The following AOX1 variants were observed in gnomAD, a reference collection of about 807,000 sequenced individuals.
The protein encoded by AOX1 is aldehyde oxidase 1.
In AOX1, 153 loss-of-function variants were observed where a neutral mutation model predicts 169.5. The observed-to-expected ratio is 0.90, with a 90% CI of 0.79 to 1.03. The LOEUF is 1.03. Ranked by LOEUF, AOX1 falls within the 50% of genes least tolerant of loss-of-function variation. The probability of loss-of-function intolerance (pLI) is 0.00; values close to 1 mark genes in which losing one functional copy is unlikely to be tolerated. For synonymous variants in AOX1, 562 were observed against 581.9 expected (o/e 0.97, Z 0.49); for missense variants, 1,656 against 1,663.9 (o/e 1.00, Z 0.08).
chr2:200,627,494 C>T (rs760545685), intron 20 of AOX1, 45 bp downstream of exon 20: 19 of 1,397,590 alleles, frequency 1.4e-5, no homozygotes, highest in Non-Finnish European at 1.9e-5. Flanking sequence ...GTCTTCTAAG[C>T]ATGTCAGTTT....
chr2:200,593,497 A>G (rs2034217307), intron 2 of AOX1, among the ~76,000 whole-genome samples: 1 of 152,166 alleles, frequency 6.6e-6, no homozygotes, highest in South Asian at 2.1e-4. Context: ...GAGTCACAAT[A>G]TTTATACTCT....
chr2:200,638,479 G>T (rs528186994), intron 23 of AOX1, among the ~76,000 whole-genome samples, 177 bp downstream of exon 23: 3 of 152,160 alleles, frequency 2.0e-5, no homozygotes, highest in Non-Finnish European at 4.4e-5. Flanking sequence ...TGGTTCAATG[G>T]AGGCTTTTCT....
intron 5 of AOX1, among the ~76,000 whole-genome samples, chr2:200,600,128 C>A (rs1255698476): frequency 1.3e-5 from 2 of 152,124 alleles, no homozygotes; most frequent in Non-Finnish European, 2.9e-5. Context: ...AGTTACACCC[C>A]CAATAAGTGG....
chr2:200,611,335 A>G, intron 12 of AOX1, 49 bp from the exon 13 acceptor site: 1 of 1,364,094 alleles, frequency 7.3e-7, no homozygotes, highest in South Asian at 1.2e-5. Context: ...TTGGAAGTTT[A>G]TTTAACAGAC....
Position 200,586,298 on chromosome 2 carries a change from G to A in AOX1, c.45+145G>A, listed in dbSNP as rs557545090. ...GGCTTTCTCCCGTAACAGCGGCTTT[G>A]CCTTCGCATTCCCACCCCTGCCTCC... On this transcript the variant is annotated intron_variant, in intron 1 of 34. Transcript: ENST00000374700. 1.0e-5 allele frequency: 9 copies of A among 891,560 alleles called. No homozygotes were observed. In the South Asian group the frequency reaches 1.5e-4, roughly 14 times the overall value. 55.2% of individuals were successfully genotyped at this position (891,560 alleles called of 1,614,324 possible). A position where few individuals can be genotyped will look rare whatever the true frequency, so the allele number is the denominator to read the frequency against.
downstream of AOX1, among the ~76,000 whole-genome samples, chr2:200,676,390 A>G (rs889039283): frequency 7.9e-5 from 12 of 152,112 alleles, no homozygotes; most frequent in Non-Finnish European, 1.8e-4. Context: ...TCTTCAGGCC[A>G]GGAGTTTGAG....
At chr2:200,681,684 AG>A (rs2036153679), downstream of AOX1, among the ~76,000 whole-genome samples, 1 of 152,250 alleles carries the variant, frequency 6.6e-6, no homozygotes, top group Non-Finnish European at 1.5e-5. Context: ...AAACTGAGGC[AG>A]TGAGCCAGAA....
At chr2:200,605,664 G>A in intron 10 of AOX1, 36 bp downstream of exon 10, 1 of 1,076,432 alleles carries the variant, frequency 9.3e-7, no homozygotes. Context: ...TAGTTAAGAT[G>A]CATTAATCAA....
At chr2:200,614,057 A>C in intron 15 of AOX1, 91 bp downstream of exon 15, 1 of 1,204,370 alleles carries the variant, frequency 8.3e-7, no homozygotes, top group Non-Finnish European at 1.2e-6. Context: ...AAATAGCTGT[A>C]GAATAAAAAA....
chr2:200,609,469 T>C, intron 12 of AOX1, 55 bp downstream of exon 12: 1 of 1,436,814 alleles, frequency 7.0e-7, no homozygotes. Context: ...CCCCTTTTTC[T>C]CTCTGGGGAG....
At position 200,616,074 on chromosome 2, in the gene AOX1, T is replaced by A. The variant is rs199978288; in HGVS notation, c.1704+11T>A. Reference sequence around the variant, plus strand: ...ACATTAAAGTACCAGGTGAGCGGTATTTCTTGTTTTTAAAAATTCACAATC... The same window carrying A: ...ACATTAAAGTACCAGGTGAGCGGTAATTCTTGTTTTTAAAAATTCACAATC... On this transcript the variant is annotated intron_variant, in intron 16 of 34. Transcript: ENST00000374700. The A allele has an allele frequency of 1.3e-6, 2 of 1,597,486 alleles. No individual in the cohort carries two copies. Among genetic ancestry groups the A allele is most frequent in the South Asian group, 2.2e-5 (2 of 90,666 alleles).
chr2:200,620,647 C>T lies in AOX1; in HGVS notation c.1705-3C>T. The T allele has an allele frequency of 6.6e-7, 1 of 1,506,290 alleles. No individual in the cohort carries two copies. Among genetic ancestry groups the T allele is most frequent in the Non-Finnish European group, 8.8e-7 (1 of 1,136,526 alleles). The allele number at this position is 1,506,290 out of a possible 1,614,324, so 93.3% of individuals were successfully genotyped here. A position where few individuals can be genotyped will look rare whatever the true frequency, so the allele number is the denominator to read the frequency against. The stretch of plus-strand genomic sequence containing the variant: ...AAGTATATTTTGGTTATTTATTAAA[C>T]AGAATATAGGCCCAAAGCAGCATCC... On this transcript the variant is annotated splice_polypyrimidine_tract_variant and splice_region_variant and intron_variant, in intron 16 of 34. Coordinates refer to ENST00000374700, the MANE Select transcript of AOX1 (RefSeq NM_001159.4).
intron 25 of AOX1, among the ~76,000 whole-genome samples, chr2:200,648,443 G>A (rs765208797): frequency 1.3e-5 from 2 of 152,200 alleles, no homozygotes; most frequent in Non-Finnish European, 2.9e-5. Flanking sequence ...GATGTGAACC[G>A]TCTATGGGTC....
intron 18 of AOX1, among the ~76,000 whole-genome samples, chr2:200,621,676 T>TTC (rs71405337): frequency 5.4e-4 from 81 of 148,944 alleles, no homozygotes; most frequent in Middle Eastern, 3.4e-3. Context: ...AGTTCATTCA[T>TTC]TCTCTCTCTC....
chr2:200,676,850 G>A (rs1363224653), intron 4 of AOX1: 1 of 461,620 alleles, frequency 2.2e-6, no homozygotes, highest in Non-Finnish European at 4.5e-6. Flanking sequence ...CCCGGAAGCT[G>A]CTTCATCCAC....
intron 20 of AOX1, among the ~76,000 whole-genome samples, chr2:200,632,691 T>C (rs2105736929): frequency 6.6e-6 from 1 of 152,194 alleles, no homozygotes; most frequent in South Asian, 2.1e-4. Context: ...TATTTCAGGG[T>C]AAATCCGTTT....
At chr2:200,626,043 G>C (rs190797189) in intron 19 of AOX1, among the ~76,000 whole-genome samples, 148 of 152,282 alleles carry the variant, frequency 9.7e-4, no homozygotes, top group African/African-American at 3.4e-3. Flanking sequence ...AACAACATGA[G>C]CATAGCTAGG....
At chr2:200,667,762 T>G (rs374515178) in intron 32 of AOX1, among the ~76,000 whole-genome samples, 1 of 148,870 alleles carries the variant, frequency 6.7e-6, no homozygotes, top group African/African-American at 2.5e-5. Flanking sequence ...CAGGGGTGGG[T>G]GGAGGGCTTT....
chr2:200,668,490 G>A (rs142131351), intron 32 of AOX1, 125 bp from the exon 33 acceptor site: 10,070 of 815,102 alleles, frequency 0.012, 108 homozygotes, highest in Middle Eastern at 0.041. Context: ...CATGCTCCAA[G>A]ACACCCTGAA....
Sources: allele counts gnomAD v4.1 joint callset (sites outside exome capture counted in the v4.1 genomes callset), GRCh38; gene constraint gnomAD v4.1.1; transcripts MANE v1.5; gene names NCBI Gene and HGNC (gene_info 2026-07-23, HGNC 2026-07-21).